The following TET2 variants were observed in gnomAD, a reference collection of about 807,000 sequenced individuals.
TET2 encodes the protein tet methylcytosine dioxygenase 2, also known as methylcytosine dioxygenase TET2.
A neutral mutation model predicts 142.9 loss-of-function variants in TET2; 299 were observed. That is an observed-to-expected ratio of 2.09 (90% CI 1.90 to 2.30). The LOEUF (loss-of-function observed/expected upper bound fraction) is 2.30, where lower values mean the gene tolerates loss of function less well. TET2 is among the 30% of genes most tolerant of loss of function. The probability of loss-of-function intolerance (pLI) is 0.00; values close to 1 mark genes in which losing one functional copy is unlikely to be tolerated. For synonymous variants in TET2, 819 were observed against 849.0 expected (o/e 0.96, Z 0.61); for missense variants, 2,418 against 2,378.0 (o/e 1.02, Z -0.35).
chr4:105,195,770 A>G lies in TET2; in HGVS notation c.-47+5265A>G, dbSNP rs375332599. 3.9e-5 allele frequency among the ~76,000 whole-genome samples: 6 copies of G among 152,316 alleles called. No individual in the cohort carries two copies. The East Asian group carries it at 1.2e-3, about 29-fold the overall frequency. ...ATTGAATCCACAGATGCTGGAATCC[A>G]TGAATACCCATGGGGGGCTGACTAT... is the stretch of plus-strand genomic sequence containing the variant. On this transcript the variant is annotated intron_variant, in intron 2 of 10. Transcript: ENST00000380013.
intron 1 of TET2, among the ~76,000 whole-genome samples, chr4:105,184,729 G>A (rs1412065696): frequency 6.6e-6 from 1 of 152,122 alleles, no homozygotes; most frequent in East Asian, 1.9e-4. Context: ...AGGTGTGTGT[G>A]TGTGTGTGTG....
rs181422553 is a variant in TET2 at position 105,242,225 on chromosome 4, A to T, written c.3501-609A>T. 225 of 1,094,314 alleles carry T rather than the reference A, an allele frequency of 2.1e-4. No homozygotes were observed. The African/African-American group carries it at 3.5e-3, about 17-fold the overall frequency. 67.8% of individuals were successfully genotyped at this position (1,094,314 alleles called of 1,614,324 possible). On this transcript the variant is annotated intron_variant, in intron 4 of 10. Coordinates refer to ENST00000380013, the MANE Select transcript of TET2 (RefSeq NM_001127208.3). Reference sequence around the variant, plus strand: ...GCATGTAGAAGTTCACTAAATAATCATCTAGTGGCCTGGCAGAAATAGTGA... The same window carrying T: ...GCATGTAGAAGTTCACTAAATAATCTTCTAGTGGCCTGGCAGAAATAGTGA...
At position 105,235,950 on chromosome 4, in the gene TET2, A is replaced by G; in HGVS notation, c.2008A>G (p.Lys670Glu). ...CTTCTCCAAAACAGACCATTTACCA[A>G]AAGCTCATGTGCAGTCACTGTGTGG... ...VHFSKTDHLP[K>E]AHVQSLCGTR... The change falls in exon 3 of 11, where the codon AAA (lysine) becomes GAA (glutamate). Residue 670 changes from lysine to glutamate, a missense_variant. Lys to Glu is a moderately conservative substitution (Grantham distance 56). Transcript: ENST00000380013. 2.5e-6 allele frequency: 4 copies of G among 1,614,140 alleles called. No homozygotes were observed. The highest frequency in any genetic ancestry group is 3.4e-6 in the Non-Finnish European group (4 of 1,180,016).
chr4:105,246,013 C>G (rs1209778424), intron 6 of TET2, among the ~76,000 whole-genome samples: 1 of 152,174 alleles, frequency 6.6e-6, no homozygotes, highest in Non-Finnish European at 1.5e-5. Context: ...TCACCACAAC[C>G]TCCACCTCCC....
intron 1 of TET2, among the ~76,000 whole-genome samples, chr4:105,151,950 C>G (rs1052871035): frequency 1.3e-5 from 2 of 152,008 alleles, no homozygotes; most frequent in African/African-American, 4.8e-5. Flanking sequence ...TGGCACACAC[C>G]AGTAATCCCA....
At chr4:105,166,225 C>A (rs1724142060) in intron 1 of TET2, among the ~76,000 whole-genome samples, 1 of 152,074 alleles carries the variant, frequency 6.6e-6, no homozygotes, top group Non-Finnish European at 1.5e-5. Flanking sequence ...TTAGCTTGTT[C>A]TAAGGATGCT....
intron 1 of TET2, among the ~76,000 whole-genome samples, chr4:105,188,250 G>C (rs1247626367): frequency 6.6e-6 from 1 of 152,126 alleles, no homozygotes; most frequent in Admixed American, 6.6e-5. Context: ...ATTCTACTAA[G>C]TGGAATAAGC....
intron 10 of TET2, 108 bp from the exon 11 acceptor site, chr4:105,274,940 A>T (rs2110310473): frequency 7.3e-7 from 1 of 1,369,680 alleles, no homozygotes; most frequent in Non-Finnish European, 9.7e-7. Context: ...GGTGTCGTAT[A>T]TCACTAGTGG....
At chr4:105,179,875 C>A (rs1725015884) in intron 1 of TET2, among the ~76,000 whole-genome samples, 1 of 152,170 alleles carries the variant, frequency 6.6e-6, no homozygotes, top group Admixed American at 6.6e-5. Flanking sequence ...TAAGTTTATC[C>A]CACTATTAGG....
chr4:105,169,328 G>C (rs1256799512), intron 1 of TET2, among the ~76,000 whole-genome samples: 1 of 152,160 alleles, frequency 6.6e-6, no homozygotes, highest in Non-Finnish European at 1.5e-5. Flanking sequence ...CTGATCATTA[G>C]TGATATTGAA....
intron 2 of TET2, among the ~76,000 whole-genome samples, chr4:105,228,767 G>C (rs1646789635): frequency 6.6e-6 from 1 of 152,004 alleles, no homozygotes; most frequent in South Asian, 2.1e-4. Flanking sequence ...CTTTCTGCAG[G>C]ATTTATTTAG....
chr4:105,173,299 C>A (rs1724579465), intron 1 of TET2, among the ~76,000 whole-genome samples: 1 of 149,752 alleles, frequency 6.7e-6, no homozygotes, highest in South Asian at 2.1e-4. Flanking sequence ...GTGGGCAGAT[C>A]ACGAGCTCAG....
intron 6 of TET2, among the ~76,000 whole-genome samples, chr4:105,258,925 T>A (rs1443982737): frequency 1.3e-5 from 2 of 152,188 alleles, no homozygotes; most frequent in African/African-American, 2.4e-5. Context: ...AATGGTAGAA[T>A]AATTCATCAC....
chr4:105,210,690 T>C (rs1302785830), intron 2 of TET2, among the ~76,000 whole-genome samples: 2 of 152,228 alleles, frequency 1.3e-5, no homozygotes, highest in Non-Finnish European at 2.9e-5. Context: ...CTAGGCATTA[T>C]CTTGCTTTCA....
chr4:105,162,129 G>A (rs950895231), intron 1 of TET2, among the ~76,000 whole-genome samples: 4 of 152,274 alleles, frequency 2.6e-5, no homozygotes, highest in Non-Finnish European at 4.4e-5. Flanking sequence ...GGTTCCTGTA[G>A]AAGACAGCTG....
intron 7 of TET2, among the ~76,000 whole-genome samples, chr4:105,260,004 T>C (rs1046178101): frequency 1.3e-5 from 2 of 152,176 alleles, no homozygotes; most frequent in African/African-American, 4.8e-5. Flanking sequence ...TCCAAAGTTT[T>C]AAAGGGGTGT....
intron 1 of TET2, among the ~76,000 whole-genome samples, chr4:105,175,078 A>G (rs1019306733): frequency 4.6e-5 from 7 of 152,212 alleles, no homozygotes; most frequent in African/African-American, 1.7e-4. Context: ...TTATAAGGCT[A>G]CAGAATGCTT....
At chr4:105,244,584 ATGTTTTT>A (rs1159220844) in intron 6 of TET2, among the ~76,000 whole-genome samples, 1,232 of 116,708 alleles carry the variant, frequency 0.011, 74 homozygotes, top group African/African-American at 0.039. Context: ...CTACACAGAA[ATGTTTTT>A]TTTTTTTTTT....
chr4:105,215,391 G>A (rs1727433953), intron 2 of TET2, among the ~76,000 whole-genome samples: 1 of 152,042 alleles, frequency 6.6e-6, no homozygotes, highest in African/African-American at 2.4e-5. Flanking sequence ...TAGAAAATCA[G>A]TGAAAGAGCT....
Sources: gnomAD v4.1 joint callset for allele counts (sites outside exome capture counted in the v4.1 genomes callset) on GRCh38, gnomAD v4.1.1 for gene constraint, MANE v1.5 for transcripts, NCBI Gene and HGNC (gene_info 2026-07-23, HGNC 2026-07-21) for gene names.